MCTP1: variants seen among roughly 807,000 people sequenced by gnomAD.
MCTP1 encodes the protein multiple C2 and transmembrane domain containing 1, also known as multiple C2 and transmembrane domain-containing protein 1.
In MCTP1, 69 loss-of-function variants were observed where a neutral mutation model predicts 120.6. The ratio of observed to expected loss-of-function variants is 0.57; its 90% CI spans 0.47 to 0.70. MCTP1 has a LOEUF of 0.70. MCTP1 is among the 30% of genes least tolerant of loss of function. MCTP1 has a pLI of 0.00. For synonymous variants in MCTP1, 529 were observed against 493.1 expected (o/e 1.07, Z -0.96); for missense variants, 1,203 against 1,248.8 (o/e 0.96, Z 0.55).
At chr5:95,255,355 A>T (rs773495506) in intron 1 of MCTP1, among the ~76,000 whole-genome samples, 3 of 152,240 alleles carry the variant, frequency 2.0e-5, no homozygotes, top group African/African-American at 2.4e-5. Flanking sequence ...GAATTTACCT[A>T]CATTTTAAAG....
chr5:95,163,586 A>G (rs1311810119), intron 1 of MCTP1, among the ~76,000 whole-genome samples: 3 of 152,246 alleles, frequency 2.0e-5, no homozygotes, highest in Non-Finnish European at 4.4e-5. Flanking sequence ...ATTCAATAGT[A>G]TATACAATAT....
chr5:94,892,551 A>G (rs781102829), intron 11 of MCTP1, among the ~76,000 whole-genome samples: 6 of 152,156 alleles, frequency 3.9e-5, no homozygotes, highest in Non-Finnish European at 5.9e-5. Flanking sequence ...ATCTTCTCAG[A>G]ATGTGGTGAT....
intron 11 of MCTP1, among the ~76,000 whole-genome samples, chr5:94,892,972 G>A (rs999589890): frequency 3.3e-5 from 5 of 152,124 alleles, no homozygotes; most frequent in Admixed American, 2.6e-4. Context: ...TAGTGGTTTC[G>A]TAGCAGGTAT....
chr5:95,042,452 C>T (rs879430264), intron 1 of MCTP1, among the ~76,000 whole-genome samples: 14 of 152,118 alleles, frequency 9.2e-5, no homozygotes, highest in Admixed American at 2.6e-4. Context: ...AGCAAAACAA[C>T]GGCGTTAACA....
intron 17 of MCTP1, among the ~76,000 whole-genome samples, chr5:94,838,003 T>C (rs949297936): frequency 6.6e-6 from 1 of 152,256 alleles, no homozygotes; most frequent in East Asian, 1.9e-4. Context: ...GACTGGGTCA[T>C]TGGTAATGCA....
intron 1 of MCTP1, among the ~76,000 whole-genome samples, chr5:95,194,281 T>C (rs1261170342): frequency 2.0e-5 from 3 of 151,910 alleles, no homozygotes; most frequent in Non-Finnish European, 4.4e-5. Context: ...AAAACATCAC[T>C]CAAGATCACA....
intron 1 of MCTP1, among the ~76,000 whole-genome samples, chr5:95,090,438 T>C (rs1330646444): frequency 1.3e-5 from 2 of 152,218 alleles, no homozygotes; most frequent in Admixed American, 1.3e-4. Flanking sequence ...GCCGCTTAAA[T>C]GCTGCTGCTC....
chr5:94,921,394 G>A (rs919682143), intron 7 of MCTP1, among the ~76,000 whole-genome samples: 6 of 152,176 alleles, frequency 3.9e-5, no homozygotes, highest in African/African-American at 1.4e-4. Flanking sequence ...GTTTTTACTA[G>A]GATGTAGTTT....
chr5:94,813,262 A>G (rs754554694), intron 17 of MCTP1, among the ~76,000 whole-genome samples: 94 of 152,184 alleles, frequency 6.2e-4, no homozygotes, highest in Non-Finnish European at 1.1e-3. Flanking sequence ...TTAAACCACA[A>G]TGGGATACCA....
At chr5:94,833,551 T>TTAATGGAAAAAACCATTTTATATTTAA in intron 17 of MCTP1, among the ~76,000 whole-genome samples, 1 of 152,294 alleles carries the variant, frequency 6.6e-6, no homozygotes, top group East Asian at 1.9e-4. Flanking sequence ...AAAAACAAAT[T>TTAATGGAAAAAACCATTTTATATTTAA]TGTTTTTAAG....
At chr5:95,182,404 T>G (rs1249047237) in intron 1 of MCTP1, among the ~76,000 whole-genome samples, 1 of 152,230 alleles carries the variant, frequency 6.6e-6, no homozygotes, top group Non-Finnish European at 1.5e-5. Flanking sequence ...CTGTTCAAAC[T>G]ACTCCTGACA....
At chr5:94,891,762 AT>A (rs1191985210) in intron 11 of MCTP1, among the ~76,000 whole-genome samples, 10 of 149,498 alleles carry the variant, frequency 6.7e-5, no homozygotes, top group Non-Finnish European at 8.9e-5. Flanking sequence ...AAATAAATAA[AT>A]AAATAAATAA....
intron 1 of MCTP1, among the ~76,000 whole-genome samples, chr5:95,223,226 T>G (rs1176691995): frequency 6.6e-6 from 1 of 151,906 alleles, no homozygotes; most frequent in Non-Finnish European, 1.5e-5. Context: ...CCATGGTGAG[T>G]GGATCACTTG....
intron 17 of MCTP1, among the ~76,000 whole-genome samples, chr5:94,816,279 C>CT: frequency 6.6e-6 from 1 of 152,094 alleles, no homozygotes; most frequent in African/African-American, 2.4e-5. Context: ...TTTATCTGTA[C>CT]TTTTATTCAT....
chr5:94,847,682 G>GTGTGTGTATATATA (rs1169588105), intron 17 of MCTP1, among the ~76,000 whole-genome samples: 2 of 102,378 alleles, frequency 2.0e-5, no homozygotes, highest in African/African-American at 7.7e-5. Flanking sequence ...GTGTGTGTGT[G>GTGTGTGTATATATA]TATATATATA....
chr5:94,870,796 C>T (rs1362278109), intron 15 of MCTP1, 76 bp downstream of exon 15: 8 of 1,049,240 alleles, frequency 7.6e-6, no homozygotes, highest in Non-Finnish European at 1.2e-5. Flanking sequence ...GACAGAAATT[C>T]TCTACAAATC....
At chr5:95,002,991 T>C (rs1834019349) in intron 2 of MCTP1, among the ~76,000 whole-genome samples, 1 of 152,160 alleles carries the variant, frequency 6.6e-6, no homozygotes, top group Non-Finnish European at 1.5e-5. Flanking sequence ...GCTTCCCCCA[T>C]GCTGTTCTTG....
intron 10 of MCTP1, among the ~76,000 whole-genome samples, chr5:94,906,075 C>T (rs757915967): frequency 7.9e-5 from 12 of 152,212 alleles, no homozygotes; most frequent in East Asian, 1.9e-4. Context: ...TCAGGTTAGA[C>T]GAAGGTTGAA....
Position 95,283,930 on chromosome 5 carries a change from G to T in MCTP1, c.646C>A (p.Pro216Thr). The T allele has an allele frequency of 7.1e-7, 1 of 1,401,524 alleles. No individual in the cohort carries two copies. The highest frequency in any genetic ancestry group is 1.5e-5 in the African/African-American group (1 of 65,960). 86.8% of individuals were successfully genotyped at this position (1,401,524 alleles called of 1,614,324 possible). A position where few individuals can be genotyped will look rare whatever the true frequency, so the allele number is the denominator to read the frequency against. ...GGACTCCGCGCCGGCTCTGCGGGAG[G>T]AGGCGGCGGCTCCAGCAGCTGCTCC... ...CLEQLLEPPP[P>T]PAEPARSPAE... The change falls in exon 1 of 23, where the codon CCT (proline) becomes ACT (threonine). Residue 216 changes from proline to threonine, a missense_variant. Around this residue, in one of 2 missense-constraint regions of MCTP1, gnomAD observed 463 missense variants for 377.8 expected, o/e 1.23. Transcript: ENST00000515393.
Sources: allele counts gnomAD v4.1 joint callset (sites outside exome capture counted in the v4.1 genomes callset), GRCh38; gene constraint gnomAD v4.1.1; regional missense constraint gnomAD v4.1.1; transcripts MANE v1.5; gene names NCBI Gene and HGNC (gene_info 2026-07-23, HGNC 2026-07-21).